Variants in TMEM217 observed in about 807,000 individuals in gnomAD.
The protein encoded by TMEM217 is chromosome 6 open reading frame 128.
For synonymous variants in TMEM217, 76 were observed against 88.3 expected (o/e 0.86, Z 0.78); for missense variants, 204 against 248.8 (o/e 0.82, Z 1.21).
rs1214437298 is a variant in TMEM217, at chr6:37,252,635, ATATTT to A, written c.-12+4928_-12+4932del. Among the ~76,000 whole-genome samples, 589 of 60,224 alleles carry A rather than the reference ATATTT, an allele frequency of 9.8e-3. 1 individual carries two copies. The highest frequency in any genetic ancestry group is 0.024 in the African/African-American group (402 of 16,734). 39.5% of individuals were successfully genotyped at this position (60,224 alleles called of 152,430 possible). On this transcript the variant is annotated intron_variant, in intron 1 of 1. Coordinates refer to ENST00000357219, the Ensembl canonical transcript of TMEM217. ...TGTGTGTGTATATATATATATATATATATTTTTTTTTTTTTTTTTTTTTTGACAGG... is the reference window on the plus strand; with the variant it reads ...TGTGTGTGTATATATATATATATATATTTTTTTTTTTTTTTTTTTGACAGG...
At chr6:37,226,893 T>C (rs1763874355) in intron 1 of TMEM217, among the ~76,000 whole-genome samples, 1 of 152,236 alleles carries the variant, frequency 6.6e-6, no homozygotes, top group Admixed American at 6.5e-5. Flanking sequence ...TACAATTAAC[T>C]TGGTAACAAC....
At chr6:37,231,910 A>G (rs1764225990) in intron 1 of TMEM217, among the ~76,000 whole-genome samples, 1 of 150,126 alleles carries the variant, frequency 6.7e-6, no homozygotes, top group African/African-American at 2.4e-5. Context: ...CTGTGTGGCT[A>G]AAAAAAAATT....
At chr6:37,215,556 G>A (rs184891811), downstream of TMEM217, among the ~76,000 whole-genome samples, 112 of 128,238 alleles carry the variant, frequency 8.7e-4, 3 homozygotes, top group East Asian at 0.016. Context: ...GGGCTGCAGA[G>A]CGAGACTCTG....
intron 1 of TMEM217, among the ~76,000 whole-genome samples, chr6:37,224,490 C>G (rs867412313): frequency 6.6e-6 from 1 of 151,474 alleles, no homozygotes; most frequent in Non-Finnish European, 1.5e-5. Flanking sequence ...CCCAGCTACT[C>G]GGGAGGCTGA....
exon 2 of TMEM217, chr6:37,217,891 C>A: frequency 1.0e-6 from 1 of 985,812 alleles, no homozygotes; most frequent in Non-Finnish European, 1.2e-6. Flanking sequence ...TTTGACCAAT[C>A]AGGTGGTAGA....
At chr6:37,252,521 T>C (rs1210473630) in intron 1 of TMEM217, among the ~76,000 whole-genome samples, 1 of 150,926 alleles carries the variant, frequency 6.6e-6, no homozygotes, top group African/African-American at 2.4e-5. Flanking sequence ...CACACACACA[T>C]GCATATATAT....
chr6:37,223,029 A>C (rs1204110696), intron 1 of TMEM217, among the ~76,000 whole-genome samples: 2 of 152,266 alleles, frequency 1.3e-5, no homozygotes, highest in East Asian at 3.8e-4. Context: ...ACACAGATTA[A>C]GGAATAATTA....
chr6:37,236,150 T>A (rs1467020937), intron 1 of TMEM217, among the ~76,000 whole-genome samples: 1 of 152,208 alleles, frequency 6.6e-6, no homozygotes, highest in Non-Finnish European at 1.5e-5. Flanking sequence ...ATTTTTAATT[T>A]AAAAACAATT....
intron 1 of TMEM217, among the ~76,000 whole-genome samples, chr6:37,227,657 G>A (rs564235557): frequency 6.6e-6 from 1 of 151,938 alleles, no homozygotes; most frequent in African/African-American, 2.4e-5. Context: ...TGCTGTCCAG[G>A]CTGGTCTCAA....
At chr6:37,238,401 A>C (rs1367593439) in intron 1 of TMEM217, among the ~76,000 whole-genome samples, 1 of 152,208 alleles carries the variant, frequency 6.6e-6, no homozygotes, top group Non-Finnish European at 1.5e-5. Flanking sequence ...AGACACCGTT[A>C]GCTTCCTTCC....
At chr6:37,237,032 G>C (rs1764542852) in intron 1 of TMEM217, among the ~76,000 whole-genome samples, 1 of 152,166 alleles carries the variant, frequency 6.6e-6, no homozygotes, top group Non-Finnish European at 1.5e-5. Context: ...AAAAGAGCAA[G>C]CCAGATGGAA....
chr6:37,216,587 C>A (rs2113804705), downstream of TMEM217, among the ~76,000 whole-genome samples: 1 of 152,210 alleles, frequency 6.6e-6, no homozygotes, highest in Non-Finnish European at 1.5e-5. Flanking sequence ...GACAGCCCAT[C>A]CTCTGAGGCG....
At chr6:37,214,381 G>C (rs166396), downstream of TMEM217, among the ~76,000 whole-genome samples, 3,235 of 152,100 alleles carry the variant, frequency 0.021, 98 homozygotes, top group African/African-American at 0.067. Context: ...GCGTGCGCCA[G>C]CATGCCCAGC....
chr6:37,236,829 G>A (rs1764534055), intron 1 of TMEM217, among the ~76,000 whole-genome samples: 1 of 152,152 alleles, frequency 6.6e-6, no homozygotes, highest in Non-Finnish European at 1.5e-5. Flanking sequence ...GGCATGTCCA[G>A]GATGACTTGC....
In TMEM217 at chr6:37,257,990, G is replaced by A. The variant is rs375080602; in HGVS notation, c.-434C>T. Reference sequence around the variant, plus strand: ...GCCGGGGAGGTGAGCCCAGGACGCTGAGAGGGATAGGGGATTGGACCAAAC... The same window carrying A: ...GCCGGGGAGGTGAGCCCAGGACGCTAAGAGGGATAGGGGATTGGACCAAAC... On this transcript the variant is annotated 5_prime_UTR_variant, in exon 1 of 2. Transcript: ENST00000357219. 39 of 1,613,678 alleles carry A rather than the reference G, an allele frequency of 2.4e-5. No individual in the cohort carries two copies. In the African/African-American group the frequency reaches 5.2e-4, roughly 21 times the overall value.
intron 1 of TMEM217, 100 bp from the exon 2 acceptor site, chr6:37,219,141 T>A: frequency 1.9e-6 from 2 of 1,055,332 alleles, no homozygotes; most frequent in East Asian, 4.8e-5. Flanking sequence ...TGGAGAAATA[T>A]AGACAGAAAT....
chr6:37,214,603 C>T (rs1389029343), downstream of TMEM217, among the ~76,000 whole-genome samples: 2 of 152,176 alleles, frequency 1.3e-5, no homozygotes, highest in Admixed American at 6.5e-5. Flanking sequence ...TCTCCTCTTC[C>T]CCCGCTCCCT....
downstream of TMEM217, among the ~76,000 whole-genome samples, chr6:37,213,849 T>C (rs1186577706): frequency 1.3e-5 from 2 of 152,136 alleles, no homozygotes; most frequent in Non-Finnish European, 2.9e-5. Context: ...AGCAAACCTC[T>C]CTCCTCATCA....
At chr6:37,221,250 AATCTCAGCTCACTGTAACCTCC>A (rs1320110643) in intron 1 of TMEM217, among the ~76,000 whole-genome samples, 1 of 151,198 alleles carries the variant, frequency 6.6e-6, no homozygotes, top group Non-Finnish European at 1.5e-5. Flanking sequence ...GCAGTGGTGC[AATCTCAGCTCACTGTAACCTCC>A]ATCTCCTGGG....
Sources: gnomAD v4.1 joint callset for allele counts (sites outside exome capture counted in the v4.1 genomes callset) on GRCh38, gnomAD v4.1.1 for gene constraint, MANE v1.5 for transcripts, NCBI Gene and HGNC (gene_info 2026-07-23, HGNC 2026-07-21) for gene names.